The following CIB4 variants were observed in gnomAD, a reference collection of about 807,000 sequenced individuals.
CIB4 encodes the protein calcium and integrin-binding family member 4.
In CIB4, 25 loss-of-function variants were observed where a neutral mutation model predicts 25.8. That is an observed-to-expected ratio of 0.97 (90% CI 0.71 to 1.35). The LOEUF is 1.35. Ranked by LOEUF, CIB4 falls within the 40% of genes most tolerant of loss-of-function variation. The probability of loss-of-function intolerance (pLI) is 0.00; values close to 1 mark genes in which losing one functional copy is unlikely to be tolerated. For synonymous variants in CIB4, 75 were observed against 81.4 expected, an observed-to-expected ratio of 0.92 and a Z score of 0.42; for missense variants, 235 against 228.2, an observed-to-expected ratio of 1.03 and a Z score of -0.19.
intron 2 of CIB4, among the ~76,000 whole-genome samples, chr2:26,637,141 C>T (rs1669547797): frequency 2.0e-5 from 3 of 152,260 alleles, no homozygotes; most frequent in South Asian, 4.2e-4. Flanking sequence ...TGGGGCAGGG[C>T]AGGGGTGCCA....
chr2:26,638,379 G>A (rs370363689), intron 2 of CIB4, among the ~76,000 whole-genome samples: 2 of 152,114 alleles, frequency 1.3e-5, no homozygotes, highest in East Asian at 3.9e-4. Flanking sequence ...AGCATGGCTC[G>A]CTTCCAAGGA....
intron 3 of CIB4, among the ~76,000 whole-genome samples, chr2:26,606,131 T>A (rs1034852399): frequency 1.3e-5 from 2 of 152,180 alleles, no homozygotes; most frequent in African/African-American, 4.8e-5. Flanking sequence ...TTGCCGCAAA[T>A]GCATCAGGGT....
chr2:26,635,718 A>T (rs2148228022), intron 2 of CIB4, among the ~76,000 whole-genome samples: 1 of 152,282 alleles, frequency 6.6e-6, no homozygotes, highest in South Asian at 2.1e-4. Context: ...GCATGCCCAC[A>T]CCAACCCTAA....
At chr2:26,601,988 G>A (rs1572551341) in intron 3 of CIB4, among the ~76,000 whole-genome samples, 1 of 152,312 alleles carries the variant, frequency 6.6e-6, no homozygotes, top group Non-Finnish European at 1.5e-5. Context: ...GAGGGGGAAT[G>A]AGTTCACTAC....
intron 4 of CIB4, among the ~76,000 whole-genome samples, chr2:26,594,936 T>G (rs1406464090): frequency 6.6e-6 from 1 of 152,074 alleles, no homozygotes; most frequent in Non-Finnish European, 1.5e-5. Flanking sequence ...TACCAGCAAA[T>G]ATCAACGCCA....
chr2:26,606,583 C>T (rs1263648944), intron 3 of CIB4, among the ~76,000 whole-genome samples: 1 of 152,168 alleles, frequency 6.6e-6, no homozygotes, highest in East Asian at 1.9e-4. Context: ...AACTTGGACT[C>T]TGAAACCCCT....
Position 26,628,383 on chromosome 2 carries a change from C to G in CIB4, c.186+1027G>C, listed in dbSNP as rs116116316. Reference sequence around the variant, plus strand: ...GCACATGGTCACTCCCAGCCTCCCCCCACTGCTCTACCCATTTTACAGGTG... The same window carrying G: ...GCACATGGTCACTCCCAGCCTCCCCGCACTGCTCTACCCATTTTACAGGTG... On this transcript the variant is annotated intron_variant, in intron 3 of 6. Transcript: ENST00000288861. Among the ~76,000 whole-genome samples the G allele has an allele frequency of 3.3e-5, 5 of 152,220 alleles. No homozygotes were observed. The East Asian group carries it at 9.7e-4, about 29-fold the overall frequency.
chr2:26,606,849 T>TTGACAGCTGGGCTGCCA (rs1277343147), intron 3 of CIB4, among the ~76,000 whole-genome samples: 5 of 152,154 alleles, frequency 3.3e-5, no homozygotes, highest in African/African-American at 1.2e-4. Flanking sequence ...TGTCTCCTAG[T>TTGACAGCTGGGCTGCCA]GACAGATGGG....
rs560844618 is a variant in CIB4 at position 26,609,829 on chromosome 2, G to A, written c.187-14512C>T. ...AAACACAGTTTATACGTTTTCCCACGGAAAACACAAACAAAGTTCCGAACA... is the reference window on the plus strand; with the variant it reads ...AAACACAGTTTATACGTTTTCCCACAGAAAACACAAACAAAGTTCCGAACA... On this transcript the variant is annotated intron_variant, in intron 3 of 6. Coordinates refer to ENST00000288861, the MANE Select transcript of CIB4 (RefSeq NM_001029881.3). Among the ~76,000 whole-genome samples the A allele has an allele frequency of 1.6e-4, 25 of 152,242 alleles. No homozygotes were observed. In the South Asian group the frequency reaches 4.4e-3, roughly 27 times the overall value.
In CIB4 at chr2:26,582,866, T is replaced by C; in HGVS notation, c.486A>G (p.Ser162=). The C allele has an allele frequency of 6.2e-7, 1 of 1,613,796 alleles. No individual in the cohort carries two copies. The highest frequency in any genetic ancestry group is 1.1e-5 in the South Asian group (1 of 91,048). Reference sequence around the variant, plus strand: ...ACTTGGCCATTGCATGTTCAAACTCTGAGAAGGACAGCATGTTGTCATTGT... The same window carrying C: ...ACTTGGCCATTGCATGTTCAAACTCCGAGAAGGACAGCATGTTGTCATTGT... ...DLDNDNMLSF[S]EFEHAMAKSP... The change falls in exon 6 of 7, where the codon TCA becomes TCG. Residue 162 remains serine, a synonymous_variant. Transcript: ENST00000288861.
intron 3 of CIB4, among the ~76,000 whole-genome samples, chr2:26,615,046 C>G (rs1669064512): frequency 1.3e-5 from 2 of 152,160 alleles, no homozygotes; most frequent in Non-Finnish European, 2.9e-5. Flanking sequence ...AGAGTTGGCC[C>G]TGCAGTTGCC....
In CIB4 at chr2:26,595,258, A is replaced by T; in HGVS notation, c.246T>A (p.Phe82Leu). The T allele has an allele frequency of 6.2e-7, 1 of 1,614,128 alleles. No homozygotes were observed. The highest frequency in any genetic ancestry group is 2.2e-5 in the East Asian group (1 of 44,870). ...RVFSHKGMFS[F>L]EDVLGMASVF... Reference sequence around the variant, plus strand: ...CAGATGCCATGCCCAGCACATCCTCAAAGGAGAACATGCCTTTGTGGGAGA... The same window carrying T: ...CAGATGCCATGCCCAGCACATCCTCTAAGGAGAACATGCCTTTGTGGGAGA... The change falls in exon 4 of 7, where the codon TTT (phenylalanine) becomes TTA (leucine). Residue 82 changes from phenylalanine (F) to leucine (L), a missense_variant. Coordinates refer to ENST00000288861, the MANE Select transcript of CIB4 (RefSeq NM_001029881.3).
chr2:26,584,552 G>C (rs1407684957), intron 4 of CIB4, among the ~76,000 whole-genome samples: 2 of 152,196 alleles, frequency 1.3e-5, no homozygotes, highest in Non-Finnish European at 2.9e-5. Context: ...GCCCTCAAAG[G>C]GTTAAGGGGA....
At chr2:26,614,464 G>A (rs558129041) in intron 3 of CIB4, among the ~76,000 whole-genome samples, 2 of 152,314 alleles carry the variant, frequency 1.3e-5, no homozygotes, top group Admixed American at 6.5e-5. Context: ...ATTTGCACTA[G>A]AGGGAGGAGG....
At chr2:26,621,471 A>G (rs1263097311) in intron 3 of CIB4, among the ~76,000 whole-genome samples, 1 of 152,148 alleles carries the variant, frequency 6.6e-6, no homozygotes, top group Non-Finnish European at 1.5e-5. Flanking sequence ...AGGCTGAGGC[A>G]GGAGAATTAC....
intron 3 of CIB4, among the ~76,000 whole-genome samples, chr2:26,614,062 C>T (rs1440482044): frequency 1.3e-5 from 2 of 152,236 alleles, no homozygotes; most frequent in African/African-American, 4.8e-5. Context: ...GGTCAAAAAC[C>T]CTGGGAACAG....
chr2:26,631,582 T>G (rs1483029868), intron 2 of CIB4, among the ~76,000 whole-genome samples: 1 of 152,128 alleles, frequency 6.6e-6, no homozygotes, highest in Non-Finnish European at 1.5e-5. Context: ...CGATGGTAGG[T>G]GGAGGCCTCG....
intron 3 of CIB4, among the ~76,000 whole-genome samples, chr2:26,599,354 T>C (rs1668739825): frequency 6.6e-6 from 1 of 152,160 alleles, no homozygotes; most frequent in African/African-American, 2.4e-5. Context: ...TTATCGACAA[T>C]AAAAAGATTG....
At chr2:26,640,590 GACGTGTCC>G in intron 1 of CIB4, 23 bp from the exon 2 acceptor site, 1 of 1,609,536 alleles carries the variant, frequency 6.2e-7, no homozygotes, top group Non-Finnish European at 8.5e-7. Context: ...ACAGAGAAGC[GACGTGTCC>G]ACTCCATTCA....
Sources: gnomAD v4.1 joint callset for allele counts (sites outside exome capture counted in the v4.1 genomes callset) on GRCh38, gnomAD v4.1.1 for gene constraint, MANE v1.5 for transcripts, NCBI Gene and HGNC (gene_info 2026-07-23, HGNC 2026-07-21) for gene names.